Variants in AGTRAP observed in about 807,000 individuals in gnomAD.
AGTRAP encodes angiotensin II receptor associated protein.
In AGTRAP, 7 loss-of-function variants were observed where a neutral mutation model predicts 15.2. The ratio of observed to expected loss-of-function variants is 0.46; its 90% CI spans 0.26 to 0.87. AGTRAP has a LOEUF of 0.87. Among genes scored for constraint, AGTRAP ranks in the 40% least tolerant of loss-of-function variants. AGTRAP has a pLI of 0.15. For missense variants in AGTRAP, 187 were observed against 213.4 expected (o/e 0.88, Z 0.77); for synonymous variants, 74 against 89.6 (o/e 0.83, Z 0.98).
At chr1:11,749,280 G>A (rs1449024839) in intron 4 of AGTRAP, among the ~76,000 whole-genome samples, 8 of 152,228 alleles carry the variant, frequency 5.3e-5, no homozygotes, top group Non-Finnish European at 1.2e-4. Flanking sequence ...GAGAGGAGTG[G>A]AGGGAGGTGG....
chr1:11,746,913 G>A lies in AGTRAP; in HGVS notation c.63-527G>A, dbSNP rs118165546. On this transcript the variant is annotated intron_variant, in intron 2 of 4. Coordinates refer to ENST00000314340, the MANE Select transcript of AGTRAP (RefSeq NM_020350.5). ...AAGTGACGAACTTGTACTTAGCACC[G>A]GTGGGCAAGGGAAGGAGTCTCAGGG... Among the ~76,000 whole-genome samples the A allele has an allele frequency of 5.8e-3, 884 of 152,254 alleles. 23 individuals carry two copies. Among genetic ancestry groups the A allele is most frequent in the East Asian group, 0.047 (243 of 5,164 alleles).
At chr1:11,741,194 C>A (rs145049435) in intron 1 of AGTRAP, among the ~76,000 whole-genome samples, 1 of 152,108 alleles carries the variant, frequency 6.6e-6, no homozygotes, top group East Asian at 1.9e-4. Context: ...GCTCAAAATG[C>A]TCTTCTTCCC....
rs1200005298 is a variant in AGTRAP at position 11,750,635 on chromosome 1, G to A, written c.*443G>A. ...CAGTCTGGCATGGGAGTGAGGCCCC[G>A]TCCTTCTCACTGCCTGGTCACATGG... On this transcript the variant is annotated 3_prime_UTR_variant, in exon 5 of 5. Coordinates refer to ENST00000314340, the MANE Select transcript of AGTRAP (RefSeq NM_020350.5). The A allele has an allele frequency of 1.5e-5, 5 of 337,106 alleles. No homozygotes were observed. Among genetic ancestry groups the A allele is most frequent in the Admixed American group, 4.5e-5 (1 of 22,190 alleles). 20.9% of individuals were successfully genotyped at this position (337,106 alleles called of 1,614,324 possible).
intron 1 of AGTRAP, among the ~76,000 whole-genome samples, chr1:11,737,622 G>C (rs1431661662): frequency 6.6e-6 from 1 of 152,206 alleles, no homozygotes; most frequent in Non-Finnish European, 1.5e-5. Flanking sequence ...GGCAATATCA[G>C]GATTTGAACC....
intron 1 of AGTRAP, among the ~76,000 whole-genome samples, chr1:11,740,897 A>C (rs1642014593): frequency 1.3e-5 from 2 of 152,114 alleles, no homozygotes; most frequent in South Asian, 4.1e-4. Context: ...TGTCTTCTTT[A>C]AAAGCTGGAT....
chr1:11,736,886 C>T (rs1008953577), intron 1 of AGTRAP, among the ~76,000 whole-genome samples: 4 of 151,658 alleles, frequency 2.6e-5, no homozygotes, highest in Non-Finnish European at 5.9e-5. Flanking sequence ...GGTCTGGGTG[C>T]CAGCGGCTGT....
intron 2 of AGTRAP, chr1:11,746,146 G>A: frequency 6.2e-7 from 1 of 1,613,730 alleles, no homozygotes; most frequent in South Asian, 1.1e-5. Flanking sequence ...ACATTTCTCT[G>A]CCAAACCAAG....
chr1:11,742,568 T>C (rs533019496), intron 1 of AGTRAP, among the ~76,000 whole-genome samples: 1 of 152,036 alleles, frequency 6.6e-6, no homozygotes, highest in South Asian at 2.1e-4. Context: ...TCTTGCTCTG[T>C]CCCCCAGGCT....
chr1:11,748,068 A>G (rs544359729), intron 3 of AGTRAP, among the ~76,000 whole-genome samples: 1 of 152,206 alleles, frequency 6.6e-6, no homozygotes, highest in South Asian at 2.1e-4. Context: ...GATGACTGAG[A>G]AGAGATTTTC....
At chr1:11,741,993 T>C (rs1021512659) in intron 1 of AGTRAP, among the ~76,000 whole-genome samples, 1 of 152,216 alleles carries the variant, frequency 6.6e-6, no homozygotes, top group South Asian at 2.1e-4. Context: ...AGGCCCCTTG[T>C]GGTTCACTCT....
At chr1:11,747,756 A>G (rs1156897762) in intron 3 of AGTRAP, among the ~76,000 whole-genome samples, 1 of 152,230 alleles carries the variant, frequency 6.6e-6, no homozygotes, top group African/African-American at 2.4e-5. Flanking sequence ...TCTGGCTTAG[A>G]GAACCCCAAG....
At chr1:11,749,997 G>T in intron 4 of AGTRAP, 80 bp from the exon 5 acceptor site, 1 of 1,143,382 alleles carries the variant, frequency 8.7e-7, no homozygotes, top group Non-Finnish European at 1.3e-6. Context: ...TGGCGGGGGT[G>T]GATCTTGGGT....
At position 11,750,657 on chromosome 1, in the gene AGTRAP, A is replaced by C; in HGVS notation, c.*465A>C. On this transcript the variant is annotated 3_prime_UTR_variant, in exon 5 of 5. Coordinates refer to ENST00000314340, the MANE Select transcript of AGTRAP (RefSeq NM_020350.5). ...CCCGTCCTTCTCACTGCCTGGTCAC[A>C]TGGTGCCTAGGGATGCAGGGCTGGA... The C allele has an allele frequency of 6.7e-6, 2 of 297,492 alleles. No individual in the cohort carries two copies. The highest frequency in any genetic ancestry group is 1.3e-5 in the Non-Finnish European group (2 of 156,038). The allele number at this position is 297,492 out of a possible 1,614,324, so 18.4% of individuals were successfully genotyped here.
chr1:11,744,197 C>G (rs1266796767), intron 1 of AGTRAP, among the ~76,000 whole-genome samples: 3 of 152,160 alleles, frequency 2.0e-5, no homozygotes, highest in Non-Finnish European at 4.4e-5. Context: ...ATCACTTAAG[C>G]CCAGGAGTTT....
intron 1 of AGTRAP, among the ~76,000 whole-genome samples, chr1:11,742,017 G>A (rs1301544997): frequency 6.6e-6 from 1 of 152,212 alleles, no homozygotes; most frequent in African/African-American, 2.4e-5. Context: ...CCTGGGCCCT[G>A]GAGGTAAAGG....
chr1:11,746,055 G>A (rs1359310223), intron 2 of AGTRAP: 1 of 1,500,492 alleles, frequency 6.7e-7, no homozygotes, highest in Non-Finnish European at 9.2e-7. Flanking sequence ...AGCTCCCCAG[G>A]GCCTGCCCCA....
intron 1 of AGTRAP, among the ~76,000 whole-genome samples, chr1:11,744,781 A>G (rs1163399907): frequency 6.6e-6 from 1 of 152,200 alleles, no homozygotes; most frequent in Non-Finnish European, 1.5e-5. Flanking sequence ...GTAAAGGAAT[A>G]AAAGAATGGC....
chr1:11,736,611 G>T (rs1641904235), intron 1 of AGTRAP, among the ~76,000 whole-genome samples: 1 of 152,204 alleles, frequency 6.6e-6, no homozygotes, highest in Non-Finnish European at 1.5e-5. Flanking sequence ...CCTCCCCCGC[G>T]CGGGGTCAGG....
chr1:11,746,313 C>T (rs1642163184), intron 2 of AGTRAP: 1 of 1,191,198 alleles, frequency 8.4e-7, no homozygotes, highest in Non-Finnish European at 1.2e-6. Flanking sequence ...CCCCAAGATT[C>T]TGAGTTGGTG....
Sources: gnomAD v4.1 joint callset for allele counts (sites outside exome capture counted in the v4.1 genomes callset) on GRCh38, gnomAD v4.1.1 for gene constraint, MANE v1.5 for transcripts, NCBI Gene and HGNC (gene_info 2026-07-23, HGNC 2026-07-21) for gene names.